PTPRZ1: variants seen among roughly 807,000 people sequenced by gnomAD.
The protein encoded by PTPRZ1 is receptor-type tyrosine-protein phosphatase zeta.
A neutral mutation model predicts 214.1 loss-of-function variants in PTPRZ1; 82 were observed. The observed-to-expected ratio is 0.38, with a 90% CI of 0.32 to 0.46. The LOEUF (loss-of-function observed/expected upper bound fraction) is 0.46, where lower values mean the gene tolerates loss of function less well. Among genes scored for constraint, PTPRZ1 ranks in the 20% least tolerant of loss-of-function variants. The pLI is 1.00. For synonymous variants in PTPRZ1, 945 were observed against 987.9 expected (o/e 0.96, Z 0.81); for missense variants, 2,603 against 2,748.7 (o/e 0.95, Z 1.19).
intron 4 of PTPRZ1, among the ~76,000 whole-genome samples, chr7:121,974,729 C>A (rs1323663243): frequency 1.3e-5 from 2 of 152,050 alleles, no homozygotes; most frequent in African/African-American, 2.4e-5. Flanking sequence ...ACCTCGTGAT[C>A]CACCCACCTC....
At chr7:122,041,821 A>C (rs1301944474) in intron 21 of PTPRZ1, among the ~76,000 whole-genome samples, 2 of 152,190 alleles carry the variant, frequency 1.3e-5, no homozygotes, top group East Asian at 3.8e-4. Flanking sequence ...AATTTGAGAG[A>C]CCCATCTTGA....
chr7:122,043,217 A>C (rs535070511), intron 22 of PTPRZ1, among the ~76,000 whole-genome samples: 1 of 152,316 alleles, frequency 6.6e-6, no homozygotes, highest in African/African-American at 2.4e-5. Context: ...CCATGACACC[A>C]GTAACTGCAG....
chr7:121,968,077 G>C lies in PTPRZ1; in HGVS notation c.251G>C (p.Gly84Ala). ...AATCTTAAGAAACTTAAATTTCAGG[G>C]TTGGGATAAAACATCATTGGAAAAC... Reference protein sequence around the residue: ...NVNLKKLKFQGWDKTSLENTF... With the variant: ...NVNLKKLKFQAWDKTSLENTF... Residue 84 changes from glycine (G) to alanine (A), a missense_variant, in exon 3 of 30, where the codon GGT (glycine) becomes GCT (alanine). By Grantham distance (60) the Gly-to-Ala change is moderately conservative (BLOSUM62 0). Transcript: ENST00000393386. The C allele has an allele frequency of 6.2e-7, 1 of 1,607,518 alleles. No homozygotes were observed. Among genetic ancestry groups the C allele is most frequent in the Non-Finnish European group, 8.5e-7 (1 of 1,176,430 alleles).
At chr7:122,051,794 A>G (rs1792193322) in intron 24 of PTPRZ1, 72 bp from the exon 25 acceptor site, 1 of 1,349,990 alleles carries the variant, frequency 7.4e-7, no homozygotes. Context: ...AAGATGGTAC[A>G]GTGCTGTGAG....
intron 21 of PTPRZ1, among the ~76,000 whole-genome samples, chr7:122,041,184 C>T (rs1266625233): frequency 1.3e-5 from 2 of 152,172 alleles, no homozygotes; most frequent in Admixed American, 1.3e-4. Flanking sequence ...CTAAGCACCA[C>T]ATATTTTTTG....
chr7:122,045,529 G>C (rs1266334001), intron 23 of PTPRZ1, among the ~76,000 whole-genome samples: 2 of 152,138 alleles, frequency 1.3e-5, no homozygotes, highest in Admixed American at 6.6e-5. Flanking sequence ...TTTAGAACCT[G>C]TTGTCAGAAA....
At position 122,012,876 on chromosome 7, in the gene PTPRZ1, A is replaced by G. The variant is rs768545730; in HGVS notation, c.3830A>G (p.Glu1277Gly). Residue 1277 changes from glutamate (E) to glycine (G), a missense_variant, in exon 12 of 30, where the codon GAA becomes GGA. This residue lies in a region of PTPRZ1 where 1,913 missense variants were observed against 1,914.3 expected (regional missense o/e 1.00). Transcript: ENST00000393386. ...EKYEPVLLKS[E>G]SSHQVVPSLY... ...TATGAACCAGTTTTGTTAAAAAGTG[A>G]AAGTTCCCACCAAGTGGTACCTTCT... The G allele has an allele frequency of 5.6e-6, 9 of 1,614,142 alleles. No individual in the cohort carries two copies. The highest frequency in any genetic ancestry group is 2.5e-6 in the Non-Finnish European group (3 of 1,180,006).
intron 26 of PTPRZ1, among the ~76,000 whole-genome samples, chr7:122,054,715 TAA>T (rs1350488417): frequency 2.0e-5 from 3 of 152,068 alleles, no homozygotes; most frequent in Non-Finnish European, 4.4e-5. Flanking sequence ...GTTGATAAGC[TAA>T]GAGCATAAAA....
At chr7:121,906,668 G>C (rs1229606411) in intron 1 of PTPRZ1, among the ~76,000 whole-genome samples, 1 of 152,126 alleles carries the variant, frequency 6.6e-6, no homozygotes, top group African/African-American at 2.4e-5. Context: ...TAATTTCAAG[G>C]TTATGTCTTG....
At position 121,873,286 on chromosome 7, in the gene PTPRZ1, TCTGA is replaced by T. The variant is rs1466987429; in HGVS notation, c.-210_-207del. 7 of 513,800 alleles carry T rather than the reference TCTGA, an allele frequency of 1.4e-5. No individual in the cohort carries two copies. Among genetic ancestry groups the T allele is most frequent in the Admixed American group, 3.2e-5 (1 of 31,132 alleles). The allele number at this position is 513,800 out of a possible 1,614,324, so 31.8% of individuals were successfully genotyped here. A position where few individuals can be genotyped will look rare whatever the true frequency, so the allele number is the denominator to read the frequency against. Reference sequence around the variant, plus strand: ...TCCAGATTATTCCTCTCTCGCTGTCTCTGACTGTCTCTCTCTGTCTCTGTCTCTG... The same window carrying T: ...TCCAGATTATTCCTCTCTCGCTGTCTCTGTCTCTCTCTGTCTCTGTCTCTG... On this transcript the variant is annotated 5_prime_UTR_variant, in exon 1 of 30. Transcript: ENST00000393386.
At chr7:122,034,462 G>A in intron 17 of PTPRZ1, 84 bp downstream of exon 17, 1 of 1,259,460 alleles carries the variant, frequency 7.9e-7, no homozygotes, top group Non-Finnish European at 1.1e-6. Context: ...TCATCTGAGA[G>A]CTGACCTTAG....
At chr7:121,914,520 G>A (rs965700050) in intron 1 of PTPRZ1, among the ~76,000 whole-genome samples, 1 of 152,156 alleles carries the variant, frequency 6.6e-6, no homozygotes, top group Non-Finnish European at 1.5e-5. Flanking sequence ...TAGCTGTGTG[G>A]AGGAAGTTAC....
At chr7:121,966,164 A>G (rs1375338734) in intron 2 of PTPRZ1, among the ~76,000 whole-genome samples, 6 of 152,234 alleles carry the variant, frequency 3.9e-5, no homozygotes, top group African/African-American at 1.4e-4. Context: ...AGCTTATTTC[A>G]GAGCAGAAAA....
chr7:122,053,906 G>T lies in PTPRZ1; in HGVS notation c.6253-4G>T. 3.1e-6 allele frequency: 5 copies of T among 1,612,256 alleles called. No homozygotes were observed. Among genetic ancestry groups the T allele is most frequent in the Non-Finnish European group, 4.2e-6 (5 of 1,178,918 alleles). On this transcript the variant is annotated splice_polypyrimidine_tract_variant and splice_region_variant and intron_variant, in intron 25 of 29. Transcript: ENST00000393386. ...CTGTTTTTGTCTTCTCTTTGGTTTT[G>T]TAGGGCTATTACCAGAGCAATGAAT...
intron 4 of PTPRZ1, among the ~76,000 whole-genome samples, chr7:121,973,190 C>A (rs757525326): frequency 1.6e-4 from 25 of 151,542 alleles, no homozygotes; most frequent in Admixed American, 2.6e-4. Flanking sequence ...AAATTTAAAG[C>A]CATTTAGTCT....
rs1228486050 is a variant in PTPRZ1, at chr7:122,058,838, T to G, written c.6567T>G (p.Pro2189=). ...YVLEVRHFQC[P]KWPNPDSPIS... ...TTGAAGTGAGGCACTTTCAGTGTCC[T>G]AAATGGCCAAATCCAGATAGCCCCA... The change falls in exon 28 of 30, where the codon CCT becomes CCG. Residue 2189 remains proline, a synonymous_variant. Transcript: ENST00000393386. 5 of 1,605,500 alleles carry G rather than the reference T, an allele frequency of 3.1e-6. No homozygotes were observed. Among genetic ancestry groups the G allele is most frequent in the Non-Finnish European group, 4.3e-6 (5 of 1,172,454 alleles).
intron 2 of PTPRZ1, among the ~76,000 whole-genome samples, chr7:121,957,308 T>C (rs1796737981): frequency 6.6e-6 from 1 of 152,006 alleles, no homozygotes; most frequent in Non-Finnish European, 1.5e-5. Context: ...CTTCAGCCTT[T>C]CTCTTGGGCA....
At chr7:121,954,791 G>A (rs1030861616) in intron 2 of PTPRZ1, among the ~76,000 whole-genome samples, 5 of 152,178 alleles carry the variant, frequency 3.3e-5, no homozygotes, top group Admixed American at 2.0e-4. Context: ...AATCAGCAGC[G>A]TTAAGTTTTC....
intron 5 of PTPRZ1, 108 bp from the exon 6 acceptor site, chr7:121,976,677 A>G (rs543597658): frequency 1.3e-5 from 12 of 902,640 alleles, no homozygotes; most frequent in East Asian, 2.9e-5. Context: ...GGAACTTACT[A>G]TTTTTTAATG....
Sources: gnomAD v4.1 joint callset for allele counts (sites outside exome capture counted in the v4.1 genomes callset) on GRCh38, gnomAD v4.1.1 for gene constraint, gnomAD v4.1.1 regional missense constraint, MANE v1.5 for transcripts, NCBI Gene and HGNC (gene_info 2026-07-23, HGNC 2026-07-21) for gene names.